Variants in PRRG1 observed in about 807,000 individuals in gnomAD.
PRRG1 encodes transmembrane gamma-carboxyglutamic acid protein 1.
PRRG1 carries 5 observed loss-of-function variants against 11.8 expected under a neutral mutation model. The observed-to-expected ratio is 0.42, with a 90% CI of 0.22 to 0.89. The LOEUF (loss-of-function observed/expected upper bound fraction) is 0.89, where lower values mean the gene tolerates loss of function less well. Among genes scored for constraint, PRRG1 ranks in the 40% least tolerant of loss-of-function variants. The probability of loss-of-function intolerance (pLI) is 0.28; values close to 1 mark genes in which losing one functional copy is unlikely to be tolerated. For synonymous variants in PRRG1, 66 were observed against 60.4 expected (o/e 1.09, Z -0.43); for missense variants, 155 against 166.1 (o/e 0.93, Z 0.37).
intron 2 of PRRG1, among the ~76,000 whole-genome samples, chrX:37,422,901 T>C (rs782819256): frequency 8.9e-6 from 1 of 111,736 alleles, no homozygotes; most frequent in Non-Finnish European, 1.9e-5. Flanking sequence ...ATATATTGTA[T>C]GTATATATAT....
At chrX:37,426,904 TGTA>T (rs782718178) in intron 3 of PRRG1, among the ~76,000 whole-genome samples, 1 of 112,176 alleles carries the variant, frequency 8.9e-6, no homozygotes, top group Non-Finnish European at 1.9e-5. Context: ...AATTTAAAAA[TGTA>T]GTAACATAAA....
At chrX:37,357,566 C>T (rs1235128457) in intron 1 of PRRG1, among the ~76,000 whole-genome samples, 8 of 111,798 alleles carry the variant, frequency 7.2e-5, no homozygotes, top group Non-Finnish European at 1.1e-4. Context: ...AATTTTGTGC[C>T]ATTTTGACAT....
At chrX:37,392,393 G>A (rs1452560565) in intron 1 of PRRG1, among the ~76,000 whole-genome samples, 1 of 109,647 alleles carries the variant, frequency 9.1e-6, no homozygotes, top group African/African-American at 3.3e-5. Context: ...CTAGTGCCAG[G>A]TGTGGTGGCT....
At chrX:37,401,114 A>C (rs1292082242) in intron 1 of PRRG1, among the ~76,000 whole-genome samples, 1 of 110,709 alleles carries the variant, frequency 9.0e-6, no homozygotes, top group Non-Finnish European at 1.9e-5. Context: ...AAAAGAGGGA[A>C]TCCTCCCTAA....
intron 2 of PRRG1, among the ~76,000 whole-genome samples, chrX:37,420,523 A>G (rs1012197597): frequency 2.4e-4 from 26 of 109,653 alleles, no homozygotes; most frequent in Non-Finnish European, 3.8e-5. Flanking sequence ...TCTGGTGTAT[A>G]GTCTTATATC....
chrX:37,403,336 G>A (rs1258301433), intron 1 of PRRG1, among the ~76,000 whole-genome samples: 2 of 108,629 alleles, frequency 1.8e-5, no homozygotes, highest in African/African-American at 6.7e-5. Flanking sequence ...GTAGGGACAT[G>A]GATGAAATTG....
At chrX:37,391,955 G>C (rs1230650257) in intron 1 of PRRG1, among the ~76,000 whole-genome samples, 4 of 109,283 alleles carry the variant, frequency 3.7e-5, no homozygotes, top group African/African-American at 1.3e-4. Flanking sequence ...CTGGATCTCT[G>C]TTTCAATGAT....
chrX:37,422,866 A>G (rs781797558), intron 2 of PRRG1, among the ~76,000 whole-genome samples: 1 of 111,893 alleles, frequency 8.9e-6, no homozygotes, highest in East Asian at 2.8e-4. Flanking sequence ...TGCTAGTCAT[A>G]TAACAGTATA....
Position 37,367,334 on chromosome X carries a change from T to C in PRRG1, c.-42+17939T>C, listed in dbSNP as rs1433738156. Among the ~76,000 whole-genome samples the C allele has an allele frequency of 2.7e-5, 3 of 112,483 alleles. No homozygotes were observed. The Admixed American group carries it at 2.8e-4, about 11-fold the overall frequency. ...ATTTTTATTATATTTAGTTCAAAAT[T>C]TTGTCTACTTTCTCTTGTAATTTAT... On this transcript the variant is annotated intron_variant, in intron 1 of 3. Coordinates refer to ENST00000378628, the MANE Select transcript of PRRG1 (RefSeq NM_001142395.2).
intron 1 of PRRG1, among the ~76,000 whole-genome samples, chrX:37,372,103 AGATTTCCCTTT>A (rs1556370949): frequency 8.9e-6 from 1 of 112,725 alleles, no homozygotes; most frequent in East Asian, 2.8e-4. Context: ...GTAGTGCTGA[AGATTTCCCTTT>A]TCTTCATATC....
chrX:37,445,762 A>G (rs116413882), intron 3 of PRRG1, among the ~76,000 whole-genome samples: 4,910 of 112,689 alleles, frequency 0.044, 258 homozygotes, highest in African/African-American at 0.15. Context: ...TGGGTTGGAA[A>G]CAATATGGCC....
At chrX:37,367,033 T>C (rs1407918341) in intron 1 of PRRG1, among the ~76,000 whole-genome samples, 1 of 111,568 alleles carries the variant, frequency 9.0e-6, no homozygotes, top group East Asian at 2.8e-4. Context: ...TGTGGTTGCC[T>C]CCTGCTCGTC....
intron 3 of PRRG1, among the ~76,000 whole-genome samples, chrX:37,431,734 T>A (rs1156812338): frequency 8.9e-6 from 1 of 111,858 alleles, no homozygotes; most frequent in Non-Finnish European, 1.9e-5. Context: ...TTAAGTTTTA[T>A]CATTGATTCT....
intron 3 of PRRG1, among the ~76,000 whole-genome samples, chrX:37,438,036 C>T (rs912457039): frequency 6.4e-5 from 7 of 109,715 alleles, no homozygotes; most frequent in African/African-American, 2.3e-4. Flanking sequence ...GGTAAAACCC[C>T]ATCTCTACTA....
At chrX:37,360,688 A>G in intron 1 of PRRG1, among the ~76,000 whole-genome samples, 1 of 112,576 alleles carries the variant, frequency 8.9e-6, no homozygotes, top group Non-Finnish European at 1.9e-5. Flanking sequence ...TGGTACTATC[A>G]AAGCTGTTGA....
At chrX:37,392,556 G>A (rs782355788) in intron 1 of PRRG1, among the ~76,000 whole-genome samples, 66 of 106,294 alleles carry the variant, frequency 6.2e-4, no homozygotes, top group African/African-American at 2.1e-3. Context: ...TTACCAGGAG[G>A]CTTAGGTGGG....
intron 1 of PRRG1, among the ~76,000 whole-genome samples, chrX:37,398,752 A>G (rs1931821081): frequency 8.9e-6 from 1 of 111,785 alleles, no homozygotes; most frequent in South Asian, 3.8e-4. Flanking sequence ...AGACGAATGT[A>G]TAACTAGAAT....
intron 3 of PRRG1, 38 bp from the exon 4 acceptor site, chrX:37,453,098 C>T: frequency 8.9e-7 from 1 of 1,123,350 alleles, no homozygotes; most frequent in Non-Finnish European, 1.2e-6. Context: ...ATCTTTTATT[C>T]ATACTGATTT....
chrX:37,368,366 T>C lies in PRRG1; in HGVS notation c.-42+18971T>C, dbSNP rs782755328. ...TGTATTTTAAAATGCTATTATGGGA[T>C]CCGTATGCATTTGGTATGATCTTTT... is the stretch of plus-strand genomic sequence containing the variant. On this transcript the variant is annotated intron_variant, in intron 1 of 3. Coordinates refer to ENST00000378628, the MANE Select transcript of PRRG1 (RefSeq NM_001142395.2). 1.8e-4 allele frequency among the ~76,000 whole-genome samples: 20 copies of C among 112,219 alleles called. No homozygotes were observed. In the Admixed American group the frequency reaches 1.9e-3, roughly 11 times the overall value.
Sources: allele counts gnomAD v4.1 joint callset (sites outside exome capture counted in the v4.1 genomes callset), GRCh38; gene constraint gnomAD v4.1.1; transcripts MANE v1.5; gene names NCBI Gene and HGNC (gene_info 2026-07-23, HGNC 2026-07-21).